CYP2B6: variants seen among roughly 807,000 people sequenced by gnomAD.
CYP2B6 encodes the protein cytochrome P450 2B6.
Under a neutral mutation model 43.4 loss-of-function variants are expected in CYP2B6, and 35 were observed. The observed-to-expected ratio is 0.81, with a 90% confidence interval of 0.62 to 1.07. The LOEUF is 1.07. Among genes scored for constraint, CYP2B6 ranks in the 50% least tolerant of loss-of-function variants. The pLI is 0.00. For missense variants in CYP2B6, 624 were observed against 632.8 expected, an observed-to-expected ratio of 0.99 and a Z score of 0.15; for synonymous variants, 239 against 239.2, an observed-to-expected ratio of 1.00 and a Z score of 0.01.
At chr19:40,995,435 G>T (rs1468477280) in intron 1 of CYP2B6, among the ~76,000 whole-genome samples, 1 of 152,110 alleles carries the variant, frequency 6.6e-6, no homozygotes, top group Non-Finnish European at 1.5e-5. Context: ...GAAGAACTTG[G>T]TACGGTCTCT....
rs768220817 is a variant in CYP2B6 at position 41,012,807 on chromosome 19, TCTC to T, written c.1289_1291del (p.Ser430del). On this transcript the variant is annotated inframe_deletion, in exon 8 of 9. Transcript: ENST00000324071. The stretch of plus-strand genomic sequence containing the variant: ...AAAAAGACTGAAGCTTTTATCCCCT[TCTC>T]CTTAGGTAAGCTGGACCCACAATTT... 1 of 1,614,022 alleles carries T rather than the reference TCTC, an allele frequency of 6.2e-7. No individual in the cohort carries two copies. The highest frequency in any genetic ancestry group is 2.2e-5 in the East Asian group (1 of 44,878).
chr19:41,016,673 T>C lies in CYP2B6; in HGVS notation c.1322T>C (p.Ile441Thr), dbSNP rs559298344. The C allele has an allele frequency of 8.1e-6, 13 of 1,614,184 alleles. No individual in the cohort carries two copies. In the Admixed American group the frequency reaches 1.8e-4, roughly 23 times the overall value. Residue 441 changes from isoleucine (I) to threonine (T), a missense_variant, in exon 9 of 9, where the codon ATC (isoleucine) becomes ACC (threonine). Physicochemically the swap from Ile to Thr is moderately conservative, Grantham distance 89. Coordinates refer to ENST00000324071, the MANE Select transcript of CYP2B6 (RefSeq NM_000767.5). ...AAGCGGATTTGTCTTGGTGAAGGCA[T>C]CGCCCGTGCGGAATTGTTCCTCTTC... ...LGKRICLGEG[I>T]ARAELFLFFT...
At chr19:41,013,553 A>G (rs1469935031) in intron 8 of CYP2B6, among the ~76,000 whole-genome samples, 7 of 152,220 alleles carry the variant, frequency 4.6e-5, no homozygotes, top group Admixed American at 1.3e-4. Context: ...GAGAACCTAT[A>G]GGAAGTCCAG....
At chr19:41,012,268 T>G in intron 6 of CYP2B6, 30 bp from the exon 7 acceptor site, 1 of 1,610,918 alleles carries the variant, frequency 6.2e-7, no homozygotes, top group Non-Finnish European at 8.5e-7. Context: ...CTCTTTAAAA[T>G]GAGATTCATT....
At chr19:40,999,171 G>A (rs1969042614) in intron 1 of CYP2B6, among the ~76,000 whole-genome samples, 1 of 152,084 alleles carries the variant, frequency 6.6e-6, no homozygotes, top group East Asian at 1.9e-4. Flanking sequence ...TTCTCTGATG[G>A]CCATTGATGT....
chr19:41,015,118 G>C (rs1374765471), intron 8 of CYP2B6, among the ~76,000 whole-genome samples: 97 of 152,224 alleles, frequency 6.4e-4, no homozygotes, highest in African/African-American at 2.2e-3. Context: ...TGTCTGACAG[G>C]TATAGACAGA....
intron 7 of CYP2B6, 59 bp from the exon 8 acceptor site, chr19:41,012,615 G>C: frequency 6.2e-7 from 1 of 1,612,008 alleles, no homozygotes; most frequent in Non-Finnish European, 8.5e-7. Flanking sequence ...CTTTTTTGTG[G>C]AGTGTGTGGA....
At chr19:41,014,419 C>T (rs1165438077) in intron 8 of CYP2B6, among the ~76,000 whole-genome samples, 133 of 152,012 alleles carry the variant, frequency 8.7e-4, no homozygotes, top group African/African-American at 3.1e-3. Flanking sequence ...GATTCTCCTG[C>T]CTCAGCCTCC....
chr19:41,013,120 C>T, intron 8 of CYP2B6: 2 of 378,316 alleles, frequency 5.3e-6, no homozygotes, highest in Admixed American at 4.0e-5. Flanking sequence ...CAGTGCTGTA[C>T]TGGGGGCTGA....
intron 1 of CYP2B6, among the ~76,000 whole-genome samples, chr19:40,993,761 GGCAGTGTCTAGAGAAACA>G (rs1329808024): frequency 6.6e-6 from 1 of 152,046 alleles, no homozygotes; most frequent in Non-Finnish European, 1.5e-5. Flanking sequence ...GTGTATTTGT[GGCAGTGTCTAGAGAAACA>G]GCAGTGTCAG....
chr19:40,991,581 C>A (rs1968921114), intron 1 of CYP2B6, 105 bp downstream of exon 1: 1 of 1,259,104 alleles, frequency 7.9e-7, no homozygotes, highest in Admixed American at 1.7e-5. Context: ...TCAGGGGTGG[C>A]ACGGGCATGG....
chr19:41,009,122 G>C, intron 4 of CYP2B6, 97 bp from the exon 5 acceptor site: 1 of 940,002 alleles, frequency 1.1e-6, no homozygotes, highest in African/African-American at 1.7e-5. Flanking sequence ...TGGGGAAGTG[G>C]GGTTCCCATG....
chr19:41,016,879 C>T lies in CYP2B6; in HGVS notation c.*52C>T. ...ATTCCAGGGTCATTCAGTGTCCCCG[C>T]CTCTGTAGACAATGGCTCTGACTCC... On this transcript the variant is annotated 3_prime_UTR_variant, in exon 9 of 9. Coordinates refer to ENST00000324071, the MANE Select transcript of CYP2B6 (RefSeq NM_000767.5). The T allele has an allele frequency of 6.3e-7, 1 of 1,579,104 alleles. No individual in the cohort carries two copies. The highest frequency in any genetic ancestry group is 8.6e-7 in the Non-Finnish European group (1 of 1,158,438).
rs113659755 is a variant in CYP2B6, at chr19:41,013,269, A to G, written c.1294+454A>G. ...ATGAATGAATGCCTGCAACATGCTT[A>G]GAACTGCCTGGCACAAAGGACATGC... On this transcript the variant is annotated intron_variant, in intron 8 of 8. Transcript: ENST00000324071. 9.6e-3 allele frequency among the ~76,000 whole-genome samples: 1,455 copies of G among 152,348 alleles called. 22 individuals carry two copies. The highest frequency in any genetic ancestry group is 0.032 in the African/African-American group (1,344 of 41,572).
chr19:40,995,751 C>A (rs896176001), intron 1 of CYP2B6, among the ~76,000 whole-genome samples: 2 of 152,130 alleles, frequency 1.3e-5, no homozygotes, highest in Non-Finnish European at 2.9e-5. Flanking sequence ...ATCAATAATA[C>A]CTGAGACCAA....
chr19:40,997,911 G>A (rs1479314488), intron 1 of CYP2B6, among the ~76,000 whole-genome samples: 3 of 152,040 alleles, frequency 2.0e-5, no homozygotes, highest in African/African-American at 7.3e-5. Flanking sequence ...ACCAGCCTGG[G>A]CAACCAAACA....
At position 41,003,830 on chromosome 19, in the gene CYP2B6, G is replaced by C. The variant is rs757158227; in HGVS notation, c.172-171G>C. The C allele has an allele frequency of 3.3e-4, 279 of 851,294 alleles. No homozygotes were observed. The African/African-American group carries it at 3.6e-3, about 11-fold the overall frequency. The allele number at this position is 851,294 out of a possible 1,614,324, so 52.7% of individuals were successfully genotyped here. ...ATGACTGTATTCTCTCCCTTGGACA[G>C]CGTTAACCATTAACCCTTAATTGCT... On this transcript the variant is annotated intron_variant, in intron 1 of 8. Transcript: ENST00000324071.
At chr19:41,007,141 T>C in intron 4 of CYP2B6, 76 bp downstream of exon 4, 3 of 1,420,766 alleles carry the variant, frequency 2.1e-6, no homozygotes, top group South Asian at 1.2e-5. Context: ...GGATGACCTG[T>C]CTTGGGGGCT....
At chr19:40,998,929 G>A (rs1969038877) in intron 1 of CYP2B6, among the ~76,000 whole-genome samples, 1 of 125,536 alleles carries the variant, frequency 8.0e-6, no homozygotes, top group Non-Finnish European at 1.7e-5. Flanking sequence ...TAGTCCTTTG[G>A]GTATATACCC....
Sources: gnomAD v4.1 joint callset for allele counts (sites outside exome capture counted in the v4.1 genomes callset) on GRCh38, gnomAD v4.1.1 for gene constraint, MANE v1.5 for transcripts, NCBI Gene and HGNC (gene_info 2026-07-23, HGNC 2026-07-21) for gene names.